The following CENPP variants were observed in gnomAD, a reference collection of about 807,000 sequenced individuals.
CENPP encodes centromere protein P.
In CENPP, 24 loss-of-function variants were observed where a neutral mutation model predicts 35.6. The observed-to-expected ratio is 0.67, with a 90% CI of 0.49 to 0.95. CENPP has a LOEUF of 0.95. Among genes scored for constraint, CENPP ranks in the 40% least tolerant of loss-of-function variants. The pLI, the probability that CENPP is intolerant of heterozygous loss-of-function variation, is 0.00. For missense variants in CENPP, 332 were observed against 345.3 expected (o/e 0.96, Z 0.31); for synonymous variants, 120 against 125.5 (o/e 0.96, Z 0.29).
chr9:92,332,773 A>C (rs1840793668), intron 2 of CENPP, among the ~76,000 whole-genome samples: 1 of 151,258 alleles, frequency 6.6e-6, no homozygotes, highest in Non-Finnish European at 1.5e-5. Context: ...GTGCCATTGC[A>C]CTCCACCCTG....
At chr9:92,420,896 T>C (rs1843772164) in intron 5 of CENPP, among the ~76,000 whole-genome samples, 1 of 152,146 alleles carries the variant, frequency 6.6e-6, no homozygotes. Context: ...AGTGTTGAGG[T>C]TCTCATAGAG....
chr9:92,353,989 G>T (rs767371309), intron 4 of CENPP, among the ~76,000 whole-genome samples: 3 of 152,198 alleles, frequency 2.0e-5, no homozygotes, highest in Non-Finnish European at 4.4e-5. Flanking sequence ...CTACTGTTCT[G>T]TCAATCCAGC....
intron 5 of CENPP, chr9:92,600,415 C>A (rs777526238): frequency 1.9e-6 from 3 of 1,611,602 alleles, no homozygotes; most frequent in Non-Finnish European, 2.5e-6. Context: ...CTGGGTTTCC[C>A]TGGTTCTTCC....
intron 5 of CENPP, among the ~76,000 whole-genome samples, chr9:92,447,507 GGC>G (rs1369647924): frequency 6.6e-6 from 1 of 152,156 alleles, no homozygotes; most frequent in Non-Finnish European, 1.5e-5. Flanking sequence ...AATGGGAAGT[GGC>G]TGTAAATACA....
chr9:92,600,433 G>C (rs80221439), intron 5 of CENPP: 84,783 of 1,612,468 alleles, frequency 0.053, 2,652 homozygotes, highest in South Asian at 0.098. Context: ...TCCCAAGTCT[G>C]TACAAACAAG....
chr9:92,414,025 C>A (rs1384945810), intron 5 of CENPP, among the ~76,000 whole-genome samples: 4 of 152,130 alleles, frequency 2.6e-5, no homozygotes, highest in Admixed American at 2.6e-4. Flanking sequence ...TGTCCCTTAT[C>A]TGAGAAATTC....
intron 5 of CENPP, among the ~76,000 whole-genome samples, chr9:92,439,904 C>T (rs1367775596): frequency 1.3e-5 from 2 of 152,128 alleles, no homozygotes; most frequent in Admixed American, 1.3e-4. Flanking sequence ...ATTTCTGTTA[C>T]TTATGTTTAT....
intron 5 of CENPP, among the ~76,000 whole-genome samples, chr9:92,525,567 A>C (rs912123436): frequency 6.6e-6 from 1 of 152,174 alleles, no homozygotes; most frequent in Non-Finnish European, 1.5e-5. Flanking sequence ...TGCTGGTATA[A>C]ACAAACCTAC....
At chr9:92,574,230 A>AT (rs962317456) in intron 5 of CENPP, among the ~76,000 whole-genome samples, 5 of 151,878 alleles carry the variant, frequency 3.3e-5, no homozygotes, top group African/African-American at 7.3e-5. Flanking sequence ...CCCAGAATGT[A>AT]TTTTTTTTAA....
chr9:92,390,583 TGTGTGC>T lies in CENPP; in HGVS notation c.564+10726_564+10731del, dbSNP rs1050700441. Among the ~76,000 whole-genome samples the T allele has an allele frequency of 6.7e-5, 10 of 150,330 alleles. No individual in the cohort carries two copies. The South Asian group carries it at 1.7e-3, about 26-fold the overall frequency. Reference sequence around the variant, plus strand: ...AATTCAGTGTGTGTGTGTGTGTGTGTGTGTGCGCGCGCGCGTACTTGCGTGTGCATC... The same window carrying T: ...AATTCAGTGTGTGTGTGTGTGTGTGTGCGCGCGCGTACTTGCGTGTGCATC... On this transcript the variant is annotated intron_variant, in intron 5 of 7. Coordinates refer to ENST00000375587, the MANE Select transcript of CENPP (RefSeq NM_001012267.3).
intron 5 of CENPP, among the ~76,000 whole-genome samples, chr9:92,513,429 C>A (rs973687546): frequency 1.3e-5 from 2 of 152,164 alleles, no homozygotes; most frequent in African/African-American, 4.8e-5. Context: ...TTACCATATC[C>A]GCAGTCCCAC....
At chr9:92,582,929 T>C (rs1850463427) in intron 5 of CENPP, among the ~76,000 whole-genome samples, 1 of 152,182 alleles carries the variant, frequency 6.6e-6, no homozygotes, top group South Asian at 2.1e-4. Flanking sequence ...AGGTCTTGTG[T>C]TCTCTTAGCC....
rs1564286497 is a variant in CENPP at position 92,379,772 on chromosome 9, G to A, written c.477G>A (p.Glu159=). 1 of 1,607,734 alleles carries A rather than the reference G, an allele frequency of 6.2e-7. No individual in the cohort carries two copies. Among genetic ancestry groups the A allele is most frequent in the Admixed American group, 1.7e-5 (1 of 59,966 alleles). Residue 159 remains glutamate (E), a synonymous_variant, in exon 5 of 8, where the codon GAG becomes GAA. Transcript: ENST00000375587. Reference sequence around the variant, plus strand: ...TCATTTATTCCTACAGAGCAGAAGAGAGAAAAGATCTGTTCATGTTTTTCC... The same window carrying A: ...TCATTTATTCCTACAGAGCAGAAGAAAGAAAAGATCTGTTCATGTTTTTCC... ...ELSEFVSRAE[E]RKDLFMFFRS...
In CENPP at chr9:92,593,304, G is replaced by A. The variant is rs1301636956; in HGVS notation, c.565-18010G>A. On this transcript the variant is annotated intron_variant, in intron 5 of 7. Transcript: ENST00000375587. The surrounding 1 kb of genome is among the most constrained non-coding windows in gnomAD (Gnocchi z 4.1). Reference sequence around the variant, plus strand: ...AACAGACTTCTGACAGACCACCGTGGCATCACACACAGGAGATACTCCATA... The same window carrying A: ...AACAGACTTCTGACAGACCACCGTGACATCACACACAGGAGATACTCCATA... Among the ~76,000 whole-genome samples, 5 of 152,192 alleles carry A rather than the reference G, an allele frequency of 3.3e-5. No homozygotes were observed. Among genetic ancestry groups the A allele is most frequent in the Non-Finnish European group, 4.4e-5 (3 of 68,040 alleles).
rs1850500494 is a variant in CENPP at position 92,584,598 on chromosome 9, C to T, written c.565-26716C>T. Among the ~76,000 whole-genome samples, 3 of 152,176 alleles carry T rather than the reference C, an allele frequency of 2.0e-5. No individual in the cohort carries two copies. The South Asian group carries it at 6.2e-4, about 32-fold the overall frequency. ...TCAAGCCACCCTCCCACCTCAGCCTCCCAAAGTGCTGGGATATGCCTGGCT... is the reference window on the plus strand; with the variant it reads ...TCAAGCCACCCTCCCACCTCAGCCTTCCAAAGTGCTGGGATATGCCTGGCT... On this transcript the variant is annotated intron_variant, in intron 5 of 7. Coordinates refer to ENST00000375587, the MANE Select transcript of CENPP (RefSeq NM_001012267.3).
chr9:92,446,091 A>AT (rs1554763882), intron 5 of CENPP, among the ~76,000 whole-genome samples: 1 of 152,090 alleles, frequency 6.6e-6, no homozygotes, highest in Non-Finnish European at 1.5e-5. Context: ...AGAAAAAAAA[A>AT]CTCTCCATCA....
intron 4 of CENPP, among the ~76,000 whole-genome samples, chr9:92,357,884 A>G (rs542364601): frequency 6.6e-6 from 1 of 152,040 alleles, no homozygotes; most frequent in Admixed American, 6.6e-5. Flanking sequence ...CTTTGAATAT[A>G]TGACCTCACT....
At chr9:92,401,028 G>T in intron 5 of CENPP, 1 of 766,962 alleles carries the variant, frequency 1.3e-6, no homozygotes, top group Non-Finnish European at 2.2e-6. Flanking sequence ...ATTACCACAA[G>T]GAATAAAGTC....
At chr9:92,384,097 G>T (rs1258809845) in intron 5 of CENPP, 1 of 152,160 alleles carries the variant, frequency 6.6e-6, no homozygotes, top group Non-Finnish European at 1.5e-5. Context: ...GTTTAAGTCA[G>T]GGAAATGAGG....
Sources: gnomAD v4.1 joint callset for allele counts (sites outside exome capture counted in the v4.1 genomes callset) on GRCh38, gnomAD v4.1.1 for gene constraint, Gnocchi (gnomAD v3.1) non-coding constraint, MANE v1.5 for transcripts, NCBI Gene and HGNC (gene_info 2026-07-23, HGNC 2026-07-21) for gene names.